SPATA31C1: variants seen among roughly 807,000 people sequenced by gnomAD.
SPATA31C1 encodes SPATA31 subfamily C member 1.
At chr9:87,916,589 G>A (rs2183681) in intron 1 of SPATA31C1, among the ~76,000 whole-genome samples, 83 of 146,232 alleles carry the variant, frequency 5.7e-4, no homozygotes, top group Middle Eastern at 3.8e-3. Context: ...ATGGGCTAAA[G>A]GCATGAACCG....
At chr9:87,918,908 G>T (rs1041268092) in intron 2 of SPATA31C1, 2 of 354,852 alleles carry the variant, frequency 5.6e-6, no homozygotes, top group South Asian at 2.1e-5. Flanking sequence ...AGTAGCTGGG[G>T]ATTACAGGCG....
At chr9:87,922,673 G>A in exon 5 of SPATA31C1, 1 of 1,608,104 alleles carries the variant, frequency 6.2e-7, no homozygotes, top group Non-Finnish European at 8.5e-7. Flanking sequence ...AGGCTTCCCA[G>A]GAGCTATGTG....
At position 87,921,234 on chromosome 9, in the gene SPATA31C1, T is replaced by C. The variant is rs755986991; in HGVS notation, n.1624T>C. ...TAACCTTCCCCAGGAAAGACTGACA[T>C]CCATTCTGCCTGAGAACTTTCCAGT... On this transcript the variant is annotated non_coding_transcript_exon_variant, in exon 5 of 5. Transcript: ENST00000420021. 5 of 1,611,910 alleles carry C rather than the reference T, an allele frequency of 3.1e-6. No individual in the cohort carries two copies. In the East Asian group the frequency reaches 8.9e-5, roughly 29 times the overall value.
At chr9:87,916,766 G>GGT (rs1828732168) in intron 1 of SPATA31C1, among the ~76,000 whole-genome samples, 1 of 95,734 alleles carries the variant, frequency 1.0e-5, no homozygotes, top group Non-Finnish European at 3.0e-5. Context: ...GGGAGGCCAA[G>GGT]GCGGGCGGAT....
exon 5 of SPATA31C1, chr9:87,923,072 T>C: frequency 1.2e-6 from 2 of 1,601,432 alleles, no homozygotes; most frequent in South Asian, 2.2e-5. Flanking sequence ...ACGGCAGCAG[T>C]GCTGAAGCTG....
chr9:87,916,720 CGG>C (rs1334996367), intron 1 of SPATA31C1, among the ~76,000 whole-genome samples: 13 of 114,644 alleles, frequency 1.1e-4, no homozygotes, highest in South Asian at 3.5e-4. Flanking sequence ...ACAGCAGGCC[CGG>C]CACGGTGGCT....
chr9:87,920,969 G>A (rs1462001601), exon 5 of SPATA31C1: 1 of 1,612,840 alleles, frequency 6.2e-7, no homozygotes, highest in African/African-American at 1.3e-5. Flanking sequence ...CCACACCTAT[G>A]GCTCAGGCCG....
At chr9:87,922,695 G>C in exon 5 of SPATA31C1, 1 of 1,607,550 alleles carries the variant, frequency 6.2e-7, no homozygotes, top group East Asian at 2.2e-5. Context: ...CCTCATGTCA[G>C]CCAGAAGGAG....
Position 87,922,691 on chromosome 9 carries a change from G to A in SPATA31C1, n.3081G>A, listed in dbSNP as rs1259760703. On this transcript the variant is annotated non_coding_transcript_exon_variant, in exon 5 of 5. Transcript: ENST00000420021. ...CTTCCCAGGAGCTATGTGACCTCATGTCAGCCAGAAGGAGTAACATGGGGC... is the reference window on the plus strand; with the variant it reads ...CTTCCCAGGAGCTATGTGACCTCATATCAGCCAGAAGGAGTAACATGGGGC... The A allele has an allele frequency of 6.2e-6, 10 of 1,607,570 alleles. No individual in the cohort carries two copies. The Admixed American group carries it at 8.4e-5, about 13-fold the overall frequency.
At chr9:87,921,503 A>G in exon 5 of SPATA31C1, 1 of 1,611,932 alleles carries the variant, frequency 6.2e-7, no homozygotes, top group Non-Finnish European at 8.5e-7. Flanking sequence ...AGACCCCACA[A>G]AATCTATCCA....
At chr9:87,919,158 G>A in intron 2 of SPATA31C1, 97 bp from the exon 2 acceptor site, 1 of 1,555,860 alleles carries the variant, frequency 6.4e-7, no homozygotes, top group Non-Finnish European at 8.8e-7. Flanking sequence ...CCCTGAGCAA[G>A]ACAGACAGAG....
At chr9:87,915,950 T>A (rs1001466485) in intron 1 of SPATA31C1, among the ~76,000 whole-genome samples, 2 of 143,170 alleles carry the variant, frequency 1.4e-5, no homozygotes, top group African/African-American at 5.1e-5. Context: ...AAGACAAACG[T>A]TATTCAGAGG....
At chr9:87,916,451 T>C (rs1395154515) in intron 1 of SPATA31C1, among the ~76,000 whole-genome samples, 8 of 147,926 alleles carry the variant, frequency 5.4e-5, no homozygotes, top group African/African-American at 2.0e-4. Flanking sequence ...AAAGACAGGG[T>C]AAAAACTGGA....
chr9:87,923,049 A>G, exon 5 of SPATA31C1: 1 of 1,599,538 alleles, frequency 6.3e-7, no homozygotes, highest in Non-Finnish European at 8.5e-7. Flanking sequence ...AGTAAAAAAC[A>G]GATCATGCGT....
chr9:87,919,804 G>A, intron 3 of SPATA31C1, 112 bp from the exon 3 acceptor site: 2 of 1,495,314 alleles, frequency 1.3e-6, no homozygotes. Flanking sequence ...GGACACAGAT[G>A]GGTGGGTTCC....
At chr9:87,916,328 TGA>T (rs1828717603) in intron 1 of SPATA31C1, among the ~76,000 whole-genome samples, 10 of 146,162 alleles carry the variant, frequency 6.8e-5, no homozygotes, top group Non-Finnish European at 1.4e-4. Context: ...TCCTAGGACT[TGA>T]TGAATAATTA....
At chr9:87,923,067 A>C in exon 5 of SPATA31C1, 1 of 1,601,280 alleles carries the variant, frequency 6.2e-7, no homozygotes, top group South Asian at 1.1e-5. Context: ...CGTGTACGGC[A>C]GCAGTGCTGA....
intron 1 of SPATA31C1, among the ~76,000 whole-genome samples, chr9:87,916,841 C>T (rs1282225313): frequency 2.5e-5 from 2 of 78,546 alleles, no homozygotes; most frequent in Admixed American, 1.3e-4. Context: ...ACCAAAAATA[C>T]AAAAAATTAG....
At chr9:87,915,996 G>A (rs1342921879) in intron 1 of SPATA31C1, among the ~76,000 whole-genome samples, 3 of 141,606 alleles carry the variant, frequency 2.1e-5, no homozygotes, top group African/African-American at 7.7e-5. Flanking sequence ...ACTGCAATAG[G>A]GTCTTGCAGT....
Sources: gnomAD v4.1 joint callset for allele counts (sites outside exome capture counted in the v4.1 genomes callset) on GRCh38, gnomAD v4.1.1 for gene constraint, MANE v1.5 for transcripts, NCBI Gene and HGNC (gene_info 2026-07-23, HGNC 2026-07-21) for gene names.